ACBD6: variants seen among roughly 807,000 people sequenced by gnomAD.
ACBD6 encodes the protein acyl-CoA-binding domain-containing protein 6.
Under a neutral mutation model 37.2 loss-of-function variants are expected in ACBD6, and 28 were observed. The observed-to-expected ratio is 0.75, with a 90% CI of 0.56 to 1.03. The LOEUF is 1.03. Among genes scored for constraint, ACBD6 ranks in the 50% least tolerant of loss-of-function variants. The pLI, the probability that ACBD6 is intolerant of heterozygous loss-of-function variation, is 0.00. For missense variants in ACBD6, 340 were observed against 337.4 expected (o/e 1.01, Z -0.06); for synonymous variants, 113 against 126.8 (o/e 0.89, Z 0.73).
chr1:180,472,623 T>C (rs1650612272), intron 3 of ACBD6, among the ~76,000 whole-genome samples: 1 of 152,140 alleles, frequency 6.6e-6, no homozygotes, highest in African/African-American at 2.4e-5. Context: ...AATACAGTAA[T>C]TGAACTGGAT....
At chr1:180,444,353 T>A (rs1200115584) in intron 3 of ACBD6, among the ~76,000 whole-genome samples, 2 of 152,038 alleles carry the variant, frequency 1.3e-5, no homozygotes, top group Non-Finnish European at 2.9e-5. Context: ...CATAATTTGA[T>A]TATGGTATAT....
chr1:180,348,992 C>T (rs1652297036), intron 6 of ACBD6, among the ~76,000 whole-genome samples: 1 of 152,082 alleles, frequency 6.6e-6, no homozygotes. Flanking sequence ...TTACCCTTTT[C>T]ACTAAAAATG....
intron 6 of ACBD6, among the ~76,000 whole-genome samples, chr1:180,350,897 T>A (rs1237688522): frequency 2.6e-5 from 4 of 152,228 alleles, no homozygotes; most frequent in Non-Finnish European, 4.4e-5. Context: ...TCTCAGATAG[T>A]AAGCGATGTC....
chr1:180,345,154 A>G (rs1468691109), intron 6 of ACBD6, among the ~76,000 whole-genome samples: 2 of 152,222 alleles, frequency 1.3e-5, no homozygotes, highest in East Asian at 3.8e-4. Flanking sequence ...AAACTCTTTG[A>G]AGGGTGTCTT....
intron 5 of ACBD6, among the ~76,000 whole-genome samples, chr1:180,402,795 C>T (rs1647434809): frequency 8.5e-6 from 1 of 117,996 alleles, no homozygotes; most frequent in Non-Finnish European, 2.0e-5. Flanking sequence ...GACACTCTGT[C>T]TCAAAAGAAA....
intron 6 of ACBD6, among the ~76,000 whole-genome samples, chr1:180,334,242 T>C (rs1651608693): frequency 6.6e-6 from 1 of 152,004 alleles, no homozygotes; most frequent in South Asian, 2.1e-4. Context: ...GACCCTCGAG[T>C]AGCCTAACTA....
intron 4 of ACBD6, among the ~76,000 whole-genome samples, chr1:180,416,064 C>T (rs1304034448): frequency 1.3e-5 from 2 of 152,124 alleles, no homozygotes; most frequent in Non-Finnish European, 2.9e-5. Flanking sequence ...GCCAAAAATG[C>T]TACAAGGCTG....
chr1:180,319,755 A>C (rs1650981664), intron 6 of ACBD6, among the ~76,000 whole-genome samples: 2 of 152,176 alleles, frequency 1.3e-5, no homozygotes, highest in South Asian at 2.1e-4. Context: ...GAGAATATGC[A>C]AAGTTTGTCT....
chr1:180,354,859 T>C (rs969604162), intron 6 of ACBD6, among the ~76,000 whole-genome samples: 6 of 152,204 alleles, frequency 3.9e-5, no homozygotes, highest in African/African-American at 1.4e-4. Flanking sequence ...TGATATAGTT[T>C]TTAAAAAATA....
downstream of ACBD6, among the ~76,000 whole-genome samples, chr1:180,285,748 A>C (rs1044589861): frequency 2.0e-5 from 3 of 152,146 alleles, no homozygotes; most frequent in South Asian, 2.1e-4. Context: ...GAAGCTAAGA[A>C]ATACCTATTT....
intron 6 of ACBD6, among the ~76,000 whole-genome samples, chr1:180,327,573 T>C (rs1011885661): frequency 1.4e-4 from 21 of 152,358 alleles, no homozygotes; most frequent in Non-Finnish European, 2.5e-4. Context: ...GGGCGACAAT[T>C]GGTGGAGGGG....
At chr1:180,295,478 T>A (rs941795418) in intron 7 of ACBD6, among the ~76,000 whole-genome samples, 1 of 151,886 alleles carries the variant, frequency 6.6e-6, no homozygotes, top group African/African-American at 2.4e-5. Flanking sequence ...TAACTTATTT[T>A]ATTGTGCTTA....
intron 6 of ACBD6, among the ~76,000 whole-genome samples, chr1:180,393,393 G>A (rs1345438242): frequency 1.3e-5 from 2 of 152,132 alleles, no homozygotes; most frequent in South Asian, 2.1e-4. Context: ...TCTAATTACT[G>A]CTTCGTTTCA....
At chr1:180,275,749 G>C (rs1648988162) in intron 9 of ACBD6, 1 of 152,236 alleles carries the variant, frequency 6.6e-6, no homozygotes, top group Non-Finnish European at 1.5e-5. Context: ...GGTTCTAAGT[G>C]GTTCTTGGGC....
chr1:180,435,892 C>T, intron 3 of ACBD6: 5 of 1,388,796 alleles, frequency 3.6e-6, no homozygotes, highest in South Asian at 2.3e-5. Flanking sequence ...ATGGCAAGAA[C>T]GTCAATGGTG....
At chr1:180,484,791 C>T (rs945329830) in intron 3 of ACBD6, among the ~76,000 whole-genome samples, 5 of 151,950 alleles carry the variant, frequency 3.3e-5, no homozygotes, top group Admixed American at 6.6e-5. Flanking sequence ...TATGGCTGGG[C>T]GCGGTGGCTC....
At chr1:180,376,580 C>T (rs954104761) in intron 6 of ACBD6, among the ~76,000 whole-genome samples, 6 of 151,988 alleles carry the variant, frequency 3.9e-5, no homozygotes, top group Admixed American at 6.6e-5. Flanking sequence ...AAAAGAGTAT[C>T]TTTAGTATGT....
At chr1:180,272,053 T>C in intron 13 of ACBD6, 5 of 1,553,744 alleles carry the variant, frequency 3.2e-6, no homozygotes, top group Non-Finnish European at 4.4e-6. Flanking sequence ...GAAAGTCCCC[T>C]GGGAATCTGT....
chr1:180,332,503 A>C (rs765929046), intron 6 of ACBD6, among the ~76,000 whole-genome samples: 6 of 152,066 alleles, frequency 3.9e-5, no homozygotes, highest in African/African-American at 9.7e-5. Context: ...TGGCAGCATT[A>C]GATTCTCACA....
Sources: allele counts gnomAD v4.1 joint callset (sites outside exome capture counted in the v4.1 genomes callset), GRCh38; gene constraint gnomAD v4.1.1; transcripts MANE v1.5; gene names NCBI Gene and HGNC (gene_info 2026-07-23, HGNC 2026-07-21).